ZFAND6: variants seen among roughly 807,000 people sequenced by gnomAD.
The protein encoded by ZFAND6 is AN1-type zinc finger protein 6.
Under a neutral mutation model 24.5 loss-of-function variants are expected in ZFAND6, and 12 were observed. The ratio of observed to expected loss-of-function variants is 0.49; its 90% confidence interval spans 0.31 to 0.79. The LOEUF is 0.79. Among genes scored for constraint, ZFAND6 ranks in the 30% least tolerant of loss-of-function variants. The pLI is 0.04. For missense variants in ZFAND6, 207 were observed against 245.9 expected, an observed-to-expected ratio of 0.84 and a Z score of 1.06; for synonymous variants, 92 against 81.5, an observed-to-expected ratio of 1.13 and a Z score of -0.69.
upstream of ZFAND6, among the ~76,000 whole-genome samples, chr15:80,059,123 G>T (rs2036192936): frequency 6.6e-6 from 1 of 152,270 alleles, no homozygotes; most frequent in South Asian, 2.1e-4. Context: ...ACAGGGCAGA[G>T]AACTGCTTTC....
rs144796389 is a variant in ZFAND6, at chr15:80,090,407, A to G, written c.-180-8009A>G. Among the ~76,000 whole-genome samples, 110 of 152,332 alleles carry G rather than the reference A, an allele frequency of 7.2e-4. 1 individual carries two copies. The highest frequency in any genetic ancestry group is 2.6e-3 in the African/African-American group (107 of 41,580). ...CAGCTGTTTGACCTGAGCAAGTTCC[A>G]TAATCTCTGTAGGCCTCAGTTTCCT... On this transcript the variant is annotated intron_variant, in intron 1 of 6. Coordinates refer to ENST00000261749, the MANE Select transcript of ZFAND6 (RefSeq NM_019006.4).
intron 6 of ZFAND6, among the ~76,000 whole-genome samples, chr15:80,134,288 C>T (rs746365607): frequency 8.5e-5 from 13 of 152,140 alleles, no homozygotes; most frequent in Non-Finnish European, 1.5e-4. Flanking sequence ...CAGCTCCTGG[C>T]CTAAAGTTGT....
chr15:80,100,284 T>C (rs2038963307), intron 2 of ZFAND6, among the ~76,000 whole-genome samples: 1 of 152,316 alleles, frequency 6.6e-6, no homozygotes. Context: ...TCAACACCCT[T>C]CCCTCCTCTT....
At chr15:80,059,237 G>A (rs972045665), upstream of ZFAND6, among the ~76,000 whole-genome samples, 1 of 152,242 alleles carries the variant, frequency 6.6e-6, no homozygotes, top group African/African-American at 2.4e-5. Context: ...GGCAGGTGGA[G>A]TGCAACTCTT....
intron 1 of ZFAND6, among the ~76,000 whole-genome samples, chr15:80,089,824 T>C (rs1436287461): frequency 6.6e-6 from 1 of 152,178 alleles, no homozygotes; most frequent in Non-Finnish European, 1.5e-5. Context: ...TCATCTAGAA[T>C]CCAGCCTAAC....
chr15:80,072,626 G>C (rs2037044691), intron 1 of ZFAND6: 2 of 152,070 alleles, frequency 1.3e-5, no homozygotes, highest in Non-Finnish European at 2.9e-5. Context: ...GAAGCAAACA[G>C]AAAATTGTGG....
At chr15:80,127,335 C>T (rs1412746108) in intron 5 of ZFAND6, among the ~76,000 whole-genome samples, 1 of 151,860 alleles carries the variant, frequency 6.6e-6, no homozygotes, top group African/African-American at 2.4e-5. Flanking sequence ...CATCTGTAAT[C>T]CCAGCACTTT....
intron 3 of ZFAND6, among the ~76,000 whole-genome samples, chr15:80,121,192 A>G (rs532693640): frequency 6.6e-6 from 1 of 152,270 alleles, no homozygotes; most frequent in South Asian, 2.1e-4. Context: ...AGTTCATTTA[A>G]TATTGTGTGT....
intron 1 of ZFAND6, among the ~76,000 whole-genome samples, chr15:80,064,728 C>T (rs949662785): frequency 1.1e-4 from 17 of 152,216 alleles, no homozygotes; most frequent in African/African-American, 3.9e-4. Context: ...GAGGCCTCTA[C>T]TTCCTGGGCT....
chr15:80,108,744 CT>C (rs974657029), intron 2 of ZFAND6, among the ~76,000 whole-genome samples: 1 of 134,264 alleles, frequency 7.4e-6, no homozygotes, highest in Non-Finnish European at 1.7e-5. Flanking sequence ...TGTTTTTTTT[CT>C]TTTTTTTTGG....
chr15:80,127,616 C>T (rs78930806), intron 5 of ZFAND6, among the ~76,000 whole-genome samples: 1 of 125,834 alleles, frequency 7.9e-6, no homozygotes, highest in Non-Finnish European at 1.7e-5. Flanking sequence ...AAAAAAAAAA[C>T]CATGCTCAAC....
intron 5 of ZFAND6, among the ~76,000 whole-genome samples, chr15:80,128,354 A>G (rs1163633664): frequency 6.6e-6 from 1 of 152,198 alleles, no homozygotes; most frequent in Non-Finnish European, 1.5e-5. Flanking sequence ...GACAGTGAAG[A>G]GGGCTTTTGC....
intron 2 of ZFAND6, chr15:80,112,712 C>G (rs1377504694): frequency 4.5e-6 from 2 of 448,960 alleles, no homozygotes; most frequent in Non-Finnish European, 8.9e-6. Flanking sequence ...TTTTTATCAT[C>G]TCTGCAAAAA....
intron 2 of ZFAND6, among the ~76,000 whole-genome samples, chr15:80,113,316 C>T (rs1354003801): frequency 6.6e-6 from 1 of 152,168 alleles, no homozygotes; most frequent in Non-Finnish European, 1.5e-5. Context: ...CAGAAGAAAT[C>T]TGGAATTACG....
In ZFAND6 at chr15:80,061,846, G is replaced by A. The variant is rs78748072; in HGVS notation, c.-181+2037G>A. On this transcript the variant is annotated intron_variant, in intron 1 of 6. Coordinates refer to ENST00000261749, the MANE Select transcript of ZFAND6 (RefSeq NM_019006.4). Reference sequence around the variant, plus strand: ...GCATTAGACGGTATTAGGTAATCAGGACTAGAATAGATTGAATTACTTAGA... The same window carrying A: ...GCATTAGACGGTATTAGGTAATCAGAACTAGAATAGATTGAATTACTTAGA... 7.6e-3 allele frequency among the ~76,000 whole-genome samples: 1,162 copies of A among 152,202 alleles called. 18 individuals are homozygous for A. The highest frequency in any genetic ancestry group is 0.027 in the African/African-American group (1,122 of 41,536).
chr15:80,068,135 T>TG (rs1555426705), intron 1 of ZFAND6, among the ~76,000 whole-genome samples: 24 of 148,462 alleles, frequency 1.6e-4, no homozygotes, highest in Admixed American at 1.3e-3. Context: ...CCTGTTTTTT[T>TG]TTTTTTTGTT....
chr15:80,132,433 T>C (rs2040647570), intron 6 of ZFAND6, among the ~76,000 whole-genome samples: 1 of 152,198 alleles, frequency 6.6e-6, no homozygotes, highest in East Asian at 1.9e-4. Flanking sequence ...AAGCCATTCA[T>C]AGTCAAGAGA....
intron 1 of ZFAND6, among the ~76,000 whole-genome samples, chr15:80,076,522 C>G (rs964978040): frequency 2.6e-5 from 4 of 152,066 alleles, no homozygotes; most frequent in Admixed American, 1.3e-4. Context: ...CTGTTTTTCT[C>G]TGCTTCATAT....
chr15:80,126,982 T>C (rs182332683), intron 5 of ZFAND6, among the ~76,000 whole-genome samples: 4 of 152,018 alleles, frequency 2.6e-5, no homozygotes, highest in Admixed American at 2.0e-4. Flanking sequence ...CGCACGCTTG[T>C]AGTCCCAGCT....
Sources: gnomAD v4.1 joint callset for allele counts (sites outside exome capture counted in the v4.1 genomes callset) on GRCh38, gnomAD v4.1.1 for gene constraint, MANE v1.5 for transcripts, NCBI Gene and HGNC (gene_info 2026-07-23, HGNC 2026-07-21) for gene names.